The following BRINP3 variants were observed in gnomAD, a reference collection of about 807,000 sequenced individuals.
BRINP3 encodes BMP/retinoic acid inducible neural specific 3, also known as BMP/retinoic acid-inducible neural-specific protein 3.
BRINP3 carries 19 observed loss-of-function variants against 71.0 expected under a neutral mutation model. The ratio of observed to expected loss-of-function variants is 0.27; its 90% CI spans 0.19 to 0.39. BRINP3 has a LOEUF of 0.39. BRINP3 is among the 10% of genes least tolerant of loss of function. The pLI is 1.00. For synonymous variants in BRINP3, 380 were observed against 337.7 expected, an observed-to-expected ratio of 1.13 and a Z score of -1.37; for missense variants, 959 against 940.8, an observed-to-expected ratio of 1.02 and a Z score of -0.25.
intron 2 of BRINP3, among the ~76,000 whole-genome samples, chr1:190,381,852 G>A (rs1331647041): frequency 2.6e-5 from 4 of 151,902 alleles, no homozygotes; most frequent in Non-Finnish European, 5.9e-5. Flanking sequence ...TTTTCATACA[G>A]ATTACTTGTG....
At chr1:190,227,460 T>A (rs1347810670) in intron 5 of BRINP3, among the ~76,000 whole-genome samples, 1 of 151,758 alleles carries the variant, frequency 6.6e-6, no homozygotes, top group Admixed American at 6.6e-5. Context: ...TGAATAAAAT[T>A]GCTAGGTAAG....
At chr1:190,366,624 A>T (rs1000527194) in intron 2 of BRINP3, among the ~76,000 whole-genome samples, 1 of 152,148 alleles carries the variant, frequency 6.6e-6, no homozygotes, top group Non-Finnish European at 1.5e-5. Context: ...CCAAAGTCTC[A>T]TCTGAGACAA....
At chr1:190,255,005 C>A (rs893568293) in intron 4 of BRINP3, among the ~76,000 whole-genome samples, 1 of 151,306 alleles carries the variant, frequency 6.6e-6, no homozygotes. Context: ...TGTCAAATGC[C>A]TTTTCTGCAT....
At chr1:190,371,055 C>T (rs1195713875) in intron 2 of BRINP3, among the ~76,000 whole-genome samples, 2 of 151,914 alleles carry the variant, frequency 1.3e-5, no homozygotes, top group Admixed American at 6.6e-5. Flanking sequence ...GAATTGAATT[C>T]CTTATATATT....
At chr1:190,459,146 A>AT (rs1676212417) in intron 1 of BRINP3, among the ~76,000 whole-genome samples, 2 of 151,494 alleles carry the variant, frequency 1.3e-5, no homozygotes, top group African/African-American at 4.8e-5. Context: ...AAAAAAAAAA[A>AT]AAAATAACTG....
rs138619897 is a variant in BRINP3, at chr1:190,262,553, T to C, written c.618+2312A>G. ...ACTGTTTGCTGTTTCCTCCACCTAGTATGAAGCCCCCTTTCCACCCATCTC... is the reference window on the plus strand; with the variant it reads ...ACTGTTTGCTGTTTCCTCCACCTAGCATGAAGCCCCCTTTCCACCCATCTC... On this transcript the variant is annotated intron_variant, in intron 4 of 7. Transcript: ENST00000367462. 1.0e-3 allele frequency among the ~76,000 whole-genome samples: 155 copies of C among 152,264 alleles called. 4 individuals carry two copies. In the East Asian group the frequency reaches 0.022, roughly 22 times the overall value.
At chr1:190,164,648 T>C (rs571372056) in intron 6 of BRINP3, among the ~76,000 whole-genome samples, 1 of 152,266 alleles carries the variant, frequency 6.6e-6, no homozygotes, top group South Asian at 2.1e-4. Context: ...TGAAGTAGGG[T>C]GGCATGATCA....
chr1:190,390,518 C>A (rs933741626), intron 2 of BRINP3, among the ~76,000 whole-genome samples: 1 of 151,554 alleles, frequency 6.6e-6, no homozygotes, highest in Admixed American at 6.6e-5. Context: ...AGAAACAAAA[C>A]GTTGCAGAAA....
At chr1:190,206,540 T>C (rs1445279081) in intron 6 of BRINP3, among the ~76,000 whole-genome samples, 2 of 152,110 alleles carry the variant, frequency 1.3e-5, no homozygotes, top group Non-Finnish European at 2.9e-5. Context: ...GCAGTCTTCA[T>C]GAAAAAATAC....
intron 4 of BRINP3, among the ~76,000 whole-genome samples, chr1:190,237,897 C>A (rs1359906512): frequency 1.3e-5 from 2 of 151,982 alleles, no homozygotes; most frequent in African/African-American, 4.8e-5. Flanking sequence ...CATCTGAAAT[C>A]AATTTTCTCT....
intron 2 of BRINP3, among the ~76,000 whole-genome samples, chr1:190,369,563 C>T (rs1558225174): frequency 5.3e-5 from 8 of 151,810 alleles, no homozygotes; most frequent in Non-Finnish European, 1.2e-4. Context: ...AATGTACAAT[C>T]TCTGAGTATA....
chr1:190,233,378 A>G (rs1008513656), intron 5 of BRINP3, among the ~76,000 whole-genome samples: 1 of 151,908 alleles, frequency 6.6e-6, no homozygotes, highest in African/African-American at 2.4e-5. Flanking sequence ...TTTAGGTCTC[A>G]CTATGTTGCC....
intron 4 of BRINP3, among the ~76,000 whole-genome samples, chr1:190,240,890 A>C (rs1185541018): frequency 6.7e-6 from 1 of 149,382 alleles, no homozygotes; most frequent in Non-Finnish European, 1.5e-5. Context: ...AAAAAAAAAA[A>C]AAAAAAAAAA....
At chr1:190,127,287 G>A (rs1442194670) in intron 7 of BRINP3, among the ~76,000 whole-genome samples, 3 of 151,716 alleles carry the variant, frequency 2.0e-5, no homozygotes, top group African/African-American at 7.3e-5. Context: ...CTGCCTAAGT[G>A]AGAAACACCT....
At chr1:190,456,592 C>G (rs547718618) in intron 1 of BRINP3, among the ~76,000 whole-genome samples, 1 of 151,886 alleles carries the variant, frequency 6.6e-6, no homozygotes, top group Non-Finnish European at 1.5e-5. Flanking sequence ...CTTATGAGAA[C>G]TATACAATTT....
intron 2 of BRINP3, among the ~76,000 whole-genome samples, chr1:190,296,120 C>T (rs1338015085): frequency 1.3e-5 from 2 of 150,160 alleles, no homozygotes; most frequent in African/African-American, 4.9e-5. Flanking sequence ...AAAATTTTTG[C>T]CAAAACCAGT....
chr1:190,325,071 T>C (rs1478154117), intron 2 of BRINP3, among the ~76,000 whole-genome samples: 1 of 151,818 alleles, frequency 6.6e-6, no homozygotes, highest in Non-Finnish European at 1.5e-5. Flanking sequence ...GGCAGCATAG[T>C]AGGACAAATA....
chr1:190,323,542 G>A (rs1015704392), intron 2 of BRINP3, among the ~76,000 whole-genome samples: 3 of 150,758 alleles, frequency 2.0e-5, no homozygotes, highest in East Asian at 2.0e-4. Flanking sequence ...GTTATCCATC[G>A]GAACGAATAA....
At chr1:190,404,194 T>C (rs899707105) in intron 2 of BRINP3, among the ~76,000 whole-genome samples, 3 of 152,190 alleles carry the variant, frequency 2.0e-5, no homozygotes, top group African/African-American at 4.8e-5. Flanking sequence ...AAATAGTAAT[T>C]CTAATGAAAA....
Sources: gnomAD v4.1 joint callset for allele counts (sites outside exome capture counted in the v4.1 genomes callset) on GRCh38, gnomAD v4.1.1 for gene constraint, MANE v1.5 for transcripts, NCBI Gene and HGNC (gene_info 2026-07-23, HGNC 2026-07-21) for gene names.